The following PVT1 variants were observed in gnomAD, a reference collection of about 807,000 sequenced individuals.
PVT1 encodes Pvt1 oncogene, also known as CXCR4/PVT1 fusion.
At chr8:127,957,368 A>G (rs1816582108) in intron 3 of PVT1, among the ~76,000 whole-genome samples, 1 of 152,106 alleles carries the variant, frequency 6.6e-6, no homozygotes, top group African/African-American at 2.4e-5. Flanking sequence ...AGAGATCAAG[A>G]CCATCCTGGC....
chr8:127,998,818 C>CCCTTCCTTCCTTCCTTCCTT (rs3041894), intron 4 of PVT1, among the ~76,000 whole-genome samples: 1,684 of 120,654 alleles, frequency 0.014, 29 homozygotes, highest in East Asian at 0.022. Context: ...TCTCCTCCTC[C>CCCTTCCTTCCTTCCTTCCTT]CCTTCCTTCC....
chr8:128,023,115 G>A lies in PVT1; in HGVS notation n.912+33824G>A, dbSNP rs150374601. 1.3e-3 allele frequency among the ~76,000 whole-genome samples: 195 copies of A among 152,226 alleles called. 1 individual carries two copies. The highest frequency in any genetic ancestry group is 4.5e-3 in the African/African-American group (188 of 41,538). ...ACTCCTGACCTCAGGTGATCTGCCT[G>A]CCTTGGCCTCCCAAAGTGCTGGAAT... On this transcript the variant is annotated intron_variant and non_coding_transcript_variant, in intron 4 of 10. Coordinates refer to ENST00000651587, the Ensembl canonical transcript of PVT1.
intron 3 of PVT1, among the ~76,000 whole-genome samples, chr8:127,959,717 G>A (rs1038894466): frequency 3.3e-5 from 5 of 151,914 alleles, no homozygotes; most frequent in African/African-American, 1.2e-4. Flanking sequence ...AGGCTGTTCA[G>A]ACATTGTTAA....
intron 5 of PVT1, among the ~76,000 whole-genome samples, chr8:128,074,690 C>T (rs1814061328): frequency 6.6e-6 from 1 of 152,076 alleles, no homozygotes; most frequent in African/African-American, 2.4e-5. Flanking sequence ...TGAACTGTCT[C>T]GGTTTTGAAA....
intron 5 of PVT1, among the ~76,000 whole-genome samples, chr8:128,080,138 T>C (rs1215849980): frequency 6.6e-6 from 1 of 152,252 alleles, no homozygotes; most frequent in African/African-American, 2.4e-5. Flanking sequence ...TGTCACCTAC[T>C]GAAAGGCATC....
chr8:128,076,235 G>A (rs557437519), intron 5 of PVT1, among the ~76,000 whole-genome samples: 2 of 152,288 alleles, frequency 1.3e-5, no homozygotes, highest in African/African-American at 2.4e-5. Context: ...TGGACCCAGT[G>A]AGCAGCCTGA....
Position 127,849,616 on chromosome 8 carries a change from T to C in PVT1, n.373-40973T>C, listed in dbSNP as rs56838151. On this transcript the variant is annotated intron_variant and non_coding_transcript_variant, in intron 2 of 10. Transcript: ENST00000651587. Reference sequence around the variant, plus strand: ...TAAGAAAAGAGAAAGACTGCGTGCATGTGCATGGGTGCACAGCCTGTACAT... The same window carrying C: ...TAAGAAAAGAGAAAGACTGCGTGCACGTGCATGGGTGCACAGCCTGTACAT... Among the ~76,000 whole-genome samples the C allele has an allele frequency of 5.6e-3, 846 of 150,656 alleles. 11 individuals carry two copies. The highest frequency in any genetic ancestry group is 0.019 in the African/African-American group (784 of 40,944).
At chr8:128,003,562 T>C (rs1474356312) in intron 4 of PVT1, among the ~76,000 whole-genome samples, 2 of 152,202 alleles carry the variant, frequency 1.3e-5, no homozygotes, top group Non-Finnish European at 2.9e-5. Context: ...CCCAGGCTGG[T>C]CTTGAAGATA....
At chr8:127,891,783 G>T (rs1815605460) in intron 3 of PVT1, among the ~76,000 whole-genome samples, 1 of 152,206 alleles carries the variant, frequency 6.6e-6, no homozygotes, top group Non-Finnish European at 1.5e-5. Flanking sequence ...GTGGACAGTT[G>T]ATTAAAGGTC....
intron 2 of PVT1, among the ~76,000 whole-genome samples, chr8:127,863,537 G>C (rs997512024): frequency 6.6e-6 from 1 of 152,228 alleles, no homozygotes; most frequent in African/African-American, 2.4e-5. Flanking sequence ...TCTTCTGGGA[G>C]CCCCACCTTA....
intron 3 of PVT1, among the ~76,000 whole-genome samples, chr8:127,906,194 A>G (rs1815817259): frequency 6.6e-6 from 1 of 152,176 alleles, no homozygotes; most frequent in South Asian, 2.1e-4. Flanking sequence ...ACAGACCCTA[A>G]TGACCACCTG....
chr8:128,053,391 A>T (rs1813722365), intron 4 of PVT1, among the ~76,000 whole-genome samples: 1 of 150,026 alleles, frequency 6.7e-6, no homozygotes, highest in Non-Finnish European at 1.5e-5. Context: ...ACACACACAT[A>T]TATATGTATT....
chr8:127,897,619 GAAA>G (rs1482179575), intron 3 of PVT1, among the ~76,000 whole-genome samples: 1 of 139,636 alleles, frequency 7.2e-6, no homozygotes, highest in East Asian at 2.0e-4. Context: ...AGAAAGGAAA[GAAA>G]GAAAGAAAGA....
chr8:127,912,243 G>A (rs531498047), intron 3 of PVT1, among the ~76,000 whole-genome samples: 1 of 152,276 alleles, frequency 6.6e-6, no homozygotes, highest in Non-Finnish European at 1.5e-5. Context: ...GAATGTTATA[G>A]AATAATAGCT....
At chr8:127,817,487 G>GTATATATATATATATATA (rs1263773181) in intron 2 of PVT1, among the ~76,000 whole-genome samples, 1 of 129,684 alleles carries the variant, frequency 7.7e-6, no homozygotes, top group African/African-American at 3.2e-5. Flanking sequence ...GTGTGTGTGT[G>GTATATATATATATATATA]TGTGTATATA....
chr8:127,937,654 C>T (rs1816295382), intron 3 of PVT1, among the ~76,000 whole-genome samples: 3 of 150,834 alleles, frequency 2.0e-5, no homozygotes, highest in Non-Finnish European at 2.9e-5. Context: ...CCTTCAGAAG[C>T]AAAGGCAGAC....
rs769415252 is a variant in PVT1, at chr8:127,984,877, CTTTCTT to C, written n.783-4283_783-4278del. On this transcript the variant is annotated intron_variant and non_coding_transcript_variant, in intron 3 of 10. Coordinates refer to ENST00000651587, the Ensembl canonical transcript of PVT1. ...TCTTTCTTTCTTTCTTTCTTTCTTT[CTTTCTT>C]TCTTTCTTTCTTTCTTTCTTTCTTT... Among the ~76,000 whole-genome samples the C allele has an allele frequency of 5.8e-3, 503 of 87,460 alleles. 13 individuals are homozygous for C. The highest frequency in any genetic ancestry group is 0.018 in the African/African-American group (447 of 24,452). 57.4% of individuals were successfully genotyped at this position (87,460 alleles called of 152,430 possible).
chr8:127,874,754 G>T (rs1339549546), intron 2 of PVT1, among the ~76,000 whole-genome samples: 4 of 152,176 alleles, frequency 2.6e-5, no homozygotes, highest in Admixed American at 6.5e-5. Context: ...CCAAAAGAAG[G>T]TTTTCATCCT....
chr8:127,843,242 G>T (rs553991814), intron 2 of PVT1, among the ~76,000 whole-genome samples: 1 of 151,898 alleles, frequency 6.6e-6, no homozygotes, highest in African/African-American at 2.4e-5. Context: ...TGTAATCCCA[G>T]CTACTCAGGA....
Sources: allele counts gnomAD v4.1 joint callset (sites outside exome capture counted in the v4.1 genomes callset), GRCh38; gene constraint gnomAD v4.1.1; transcripts MANE v1.5; gene names NCBI Gene and HGNC (gene_info 2026-07-23, HGNC 2026-07-21).